The following STK38 variants were observed in gnomAD, a reference collection of about 807,000 sequenced individuals.
STK38 encodes the protein serine/threonine kinase 38.
In STK38, 26 loss-of-function variants were observed where a neutral mutation model predicts 59.0. That is an observed-to-expected ratio of 0.44 (90% CI 0.32 to 0.61). The LOEUF is 0.61. STK38 is among the 20% of genes least tolerant of loss of function. The probability of loss-of-function intolerance (pLI) is 0.04; values close to 1 mark genes in which losing one functional copy is unlikely to be tolerated. For synonymous variants in STK38, 175 were observed against 176.6 expected (o/e 0.99, Z 0.07); for missense variants, 433 against 566.0 (o/e 0.76, Z 2.38).
intron 6 of STK38, 33 bp downstream of exon 6, chr6:36,517,684 A>G (rs752901877): frequency 6.2e-7 from 1 of 1,606,438 alleles, no homozygotes; most frequent in Non-Finnish European, 8.5e-7. Context: ...CAGAACAAAA[A>G]GAAAAAATGA....
Position 36,496,742 on chromosome 6 carries a change from C to T in STK38, c.1236G>A (p.Glu412=). The change falls in exon 13 of 14, where the codon GAG becomes GAA. Residue 412 remains glutamate, a synonymous_variant. Transcript: ENST00000229812. The stretch of plus-strand genomic sequence containing the variant: ...GCTTAAGAATATCAGATTCTGGAAA[C>T]TCATCGAAGTTTGAGGTATCATCAA... The part of the protein sequence containing the change: ...KSIDDTSNFD[E]FPESDILKPT... 1 of 1,613,504 alleles carries T rather than the reference C, an allele frequency of 6.2e-7. No individual in the cohort carries two copies. Among genetic ancestry groups the T allele is most frequent in the Non-Finnish European group, 8.5e-7 (1 of 1,179,822 alleles).
chr6:36,513,848 TAAAAA>T (rs1178706954), intron 7 of STK38, among the ~76,000 whole-genome samples: 1 of 63,886 alleles, frequency 1.6e-5, no homozygotes, highest in Non-Finnish European at 2.9e-5. Context: ...TACTAAAAAT[TAAAAA>T]AAAAAAAAAA....
chr6:36,534,740 G>A (rs914531117), intron 2 of STK38, among the ~76,000 whole-genome samples: 4 of 151,318 alleles, frequency 2.6e-5, no homozygotes, highest in Non-Finnish European at 4.4e-5. Context: ...GTAAAACAGT[G>A]AGCACGTTTG....
chr6:36,515,062 A>G (rs1777216820), intron 7 of STK38, among the ~76,000 whole-genome samples: 2 of 152,140 alleles, frequency 1.3e-5, no homozygotes, highest in South Asian at 4.1e-4. Context: ...GAAGGTGACT[A>G]TCTTTGGCTT....
At chr6:36,520,057 T>C (rs1777344187) in intron 5 of STK38, among the ~76,000 whole-genome samples, 2 of 152,192 alleles carry the variant, frequency 1.3e-5, no homozygotes, top group African/African-American at 4.8e-5. Context: ...TTTGCACTGG[T>C]CTACTTCCAT....
intron 1 of STK38, among the ~76,000 whole-genome samples, chr6:36,546,755 C>G (rs1405992041): frequency 6.6e-6 from 1 of 152,116 alleles, no homozygotes; most frequent in Non-Finnish European, 1.5e-5. Flanking sequence ...TCAAAGATAC[C>G]ACACCCCAAG....
chr6:36,540,478 G>A (rs1337825529), intron 1 of STK38, among the ~76,000 whole-genome samples: 1 of 152,210 alleles, frequency 6.6e-6, no homozygotes, highest in Non-Finnish European at 1.5e-5. Flanking sequence ...TCAGCACAGA[G>A]AGGATGTTCA....
intron 2 of STK38, among the ~76,000 whole-genome samples, chr6:36,527,207 A>ATATAT (rs1554168828): frequency 0.011 from 1,347 of 119,268 alleles, 19 homozygotes; most frequent in Non-Finnish European, 0.013. Context: ...AAAAAAAAAA[A>ATATAT]ATATATGTAT....
intron 9 of STK38, among the ~76,000 whole-genome samples, chr6:36,501,832 C>T (rs954008412): frequency 6.6e-6 from 1 of 152,140 alleles, no homozygotes; most frequent in Non-Finnish European, 1.5e-5. Context: ...AGTTTTTATC[C>T]GTTCTTCTGT....
At chr6:36,498,544 G>T in intron 10 of STK38, 58 bp from the exon 11 acceptor site, 1 of 1,518,906 alleles carries the variant, frequency 6.6e-7, no homozygotes, top group Non-Finnish European at 8.9e-7. Context: ...ATCTGACCGA[G>T]ATTACTCTCC....
intron 7 of STK38, 149 bp downstream of exon 7, chr6:36,515,189 G>T: frequency 2.5e-6 from 2 of 810,380 alleles, no homozygotes; most frequent in African/African-American, 1.8e-5. Context: ...GGAAGTGACA[G>T]CAAACTTACC....
At chr6:36,534,797 A>T (rs902573797) in intron 2 of STK38, among the ~76,000 whole-genome samples, 2 of 127,846 alleles carry the variant, frequency 1.6e-5, no homozygotes, top group Non-Finnish European at 3.2e-5. Flanking sequence ...CACTACTTCT[A>T]TTCAACATTT....
At chr6:36,497,915 C>G in intron 11 of STK38, 40 bp from the exon 12 acceptor site, 1 of 1,369,972 alleles carries the variant, frequency 7.3e-7, no homozygotes, top group Admixed American at 2.2e-5. Context: ...CTCAAGCAGT[C>G]TCCTCAGAAA....
intron 2 of STK38, among the ~76,000 whole-genome samples, chr6:36,536,624 C>G (rs921013013): frequency 3.3e-5 from 5 of 152,136 alleles, no homozygotes; most frequent in African/African-American, 1.2e-4. Context: ...AACTCCGCCT[C>G]CTGGGTTCAA....
At chr6:36,514,005 A>G (rs182087621) in intron 7 of STK38, among the ~76,000 whole-genome samples, 4 of 151,798 alleles carry the variant, frequency 2.6e-5, no homozygotes, top group Admixed American at 6.6e-5. Flanking sequence ...AATACAAAAA[A>G]TTAGCTGGGT....
At chr6:36,504,699 T>C (rs1225617448) in intron 9 of STK38, among the ~76,000 whole-genome samples, 2 of 151,864 alleles carry the variant, frequency 1.3e-5, no homozygotes, top group Non-Finnish European at 2.9e-5. Context: ...TTAAATGACA[T>C]TTAACTGCAA....
At chr6:36,518,556 A>C (rs117183149) in intron 5 of STK38, among the ~76,000 whole-genome samples, 1,758 of 152,192 alleles carry the variant, frequency 0.012, 13 homozygotes, top group Non-Finnish European at 0.019. Context: ...AATCCCCCCC[A>C]CACACACTTT....
intron 7 of STK38, among the ~76,000 whole-genome samples, chr6:36,509,897 A>C (rs986365937): frequency 2.0e-5 from 3 of 152,192 alleles, no homozygotes; most frequent in Non-Finnish European, 2.9e-5. Context: ...TTTCTGCAGC[A>C]GGTCGTCTGA....
intron 10 of STK38, 137 bp downstream of exon 10, chr6:36,499,736 A>G: frequency 2.7e-6 from 2 of 736,292 alleles, no homozygotes; most frequent in East Asian, 5.0e-5. Context: ...AAGAGGTGTC[A>G]TCTGTCTAAA....
Sources: allele counts gnomAD v4.1 joint callset (sites outside exome capture counted in the v4.1 genomes callset), GRCh38; gene constraint gnomAD v4.1.1; transcripts MANE v1.5; gene names NCBI Gene and HGNC (gene_info 2026-07-23, HGNC 2026-07-21).